The following GABRA5 variants were observed in gnomAD, a reference collection of about 807,000 sequenced individuals.
GABRA5 encodes the protein gamma-aminobutyric acid receptor subunit alpha-5.
A neutral mutation model predicts 47.3 loss-of-function variants in GABRA5; 18 were observed. The ratio of observed to expected loss-of-function variants is 0.38; its 90% CI spans 0.26 to 0.56. The LOEUF is 0.56. GABRA5 is among the 20% of genes least tolerant of loss of function. The pLI is 0.71. For missense variants in GABRA5, 365 were observed against 599.3 expected (o/e 0.61, Z 4.08); for synonymous variants, 237 against 229.3 (o/e 1.03, Z -0.30).
In GABRA5 at chr15:26,880,964, G is replaced by C; in HGVS notation, c.205G>C (p.Gly69Arg). 3 of 1,613,768 alleles carry C rather than the reference G, an allele frequency of 1.9e-6. No individual in the cohort carries two copies. Among genetic ancestry groups the C allele is most frequent in the Non-Finnish European group, 2.5e-6 (3 of 1,179,798 alleles). Residue 69 changes from glycine to arginine, a missense_variant, in exon 4 of 11, where the codon GGA becomes CGA. This residue lies in a region of GABRA5 where 216 missense variants were observed against 335.3 expected (regional missense o/e 0.64). Coordinates refer to ENST00000335625, the MANE Select transcript of GABRA5 (RefSeq NM_000810.4). ...CGACAACAGACTTCGGCCCGGGCTG[G>C]GAGGTGAGTGTGCTCTCCTCAGCTG... is the stretch of plus-strand genomic sequence containing the variant. ...GYDNRLRPGL[G>R]ERITQVRTDI...
chr15:26,915,344 A>G (rs1893695007), intron 7 of GABRA5, among the ~76,000 whole-genome samples: 1 of 152,204 alleles, frequency 6.6e-6, no homozygotes. Context: ...TCATGTTCAT[A>G]GTCAGTGCTC....
At position 26,880,966 on chromosome 15, in the gene GABRA5, A is replaced by G. The variant is rs1277188913; in HGVS notation, c.207A>G (p.Gly69=). 6.2e-7 allele frequency: 1 copy of G among 1,613,562 alleles called. No homozygotes were observed. Among genetic ancestry groups the G allele is most frequent in the Non-Finnish European group, 8.5e-7 (1 of 1,179,786 alleles). Residue 69 remains glycine (G), a splice_region_variant and synonymous_variant, in exon 4 of 11, where the codon GGA becomes GGG. Transcript: ENST00000335625. ...GYDNRLRPGL[G]ERITQVRTDI... is the part of the protein sequence containing the mutation. ...ACAACAGACTTCGGCCCGGGCTGGG[A>G]GGTGAGTGTGCTCTCCTCAGCTGAG... is the stretch of plus-strand genomic sequence containing the variant.
rs140685 is a variant in GABRA5, at chr15:26,943,312, C to T, written c.975C>T (p.Ala325=). Reference sequence around the variant, plus strand: ...CCACCGCCATGGACTGGTTCATAGCCGTGTGCTATGCCTTCGTCTTCTCGG... The same window carrying T: ...CCACCGCCATGGACTGGTTCATAGCTGTGTGCTATGCCTTCGTCTTCTCGG... The part of the protein sequence containing the change: ...AYATAMDWFI[A]VCYAFVFSAL... Residue 325 remains alanine, a synonymous_variant, in exon 10 of 11, where the codon GCC becomes GCT. Coordinates refer to ENST00000335625, the MANE Select transcript of GABRA5 (RefSeq NM_000810.4). 721,839 of 1,584,982 alleles carry T rather than the reference C, an allele frequency of 0.46. 166,093 individuals are homozygous for T. The highest frequency in any genetic ancestry group is 0.58 in the Middle Eastern group (3,491 of 6,044).
chr15:26,868,916 T>A, intron 2 of GABRA5, 123 bp downstream of exon 2: 1 of 235,724 alleles, frequency 4.2e-6, no homozygotes, highest in East Asian at 8.2e-5. Context: ...CAAAACAGAG[T>A]ATTTGAGTGG....
chr15:26,942,223 G>T (rs1336359197), intron 9 of GABRA5, among the ~76,000 whole-genome samples: 1 of 152,216 alleles, frequency 6.6e-6, no homozygotes, highest in African/African-American at 2.4e-5. Flanking sequence ...CCAGAGTGCA[G>T]CTTAGACGAG....
intron 9 of GABRA5, among the ~76,000 whole-genome samples, chr15:26,941,741 T>C (rs1346885942): frequency 6.6e-6 from 1 of 152,096 alleles, no homozygotes; most frequent in Non-Finnish European, 1.5e-5. Context: ...TCCTGGCCTG[T>C]CTCCTGGCCT....
chr15:26,868,596 A>T (rs756285048), intron 1 of GABRA5, 133 bp from the exon 2 acceptor site: 1 of 152,538 alleles, frequency 6.6e-6, no homozygotes, highest in Non-Finnish European at 1.5e-5. Context: ...TGCTTAAGTT[A>T]TGTAGTCACG....
At chr15:26,942,866 A>G (rs1022175364) in intron 9 of GABRA5, among the ~76,000 whole-genome samples, 1 of 152,150 alleles carries the variant, frequency 6.6e-6, no homozygotes, top group Non-Finnish European at 1.5e-5. Flanking sequence ...GGTGGATCGC[A>G]TGAGGCCAGG....
chr15:26,940,836 T>C (rs1894366178), intron 9 of GABRA5, among the ~76,000 whole-genome samples: 3 of 152,216 alleles, frequency 2.0e-5, no homozygotes, highest in African/African-American at 7.2e-5. Context: ...GCAGGCACAG[T>C]TGAGCGTCTG....
At chr15:26,882,088 A>T (rs1892743382) in intron 4 of GABRA5, among the ~76,000 whole-genome samples, 1 of 152,008 alleles carries the variant, frequency 6.6e-6, no homozygotes, top group Non-Finnish European at 1.5e-5. Flanking sequence ...ACAGTCTCTT[A>T]CTCTGCCCTC....
intron 7 of GABRA5, among the ~76,000 whole-genome samples, chr15:26,920,776 T>G (rs962165207): frequency 1.3e-5 from 2 of 152,176 alleles, no homozygotes; most frequent in Non-Finnish European, 2.9e-5. Flanking sequence ...CTCTCCAACC[T>G]TGGTGCTAGT....
At position 26,880,863 on chromosome 15, in the gene GABRA5, C is replaced by A; in HGVS notation, c.104C>A (p.Thr35Asn). Reference sequence around the variant, plus strand: ...TTTAAAAGCTTTTCACAGATGCCAACCAGTTCAGTGAAAGATGAGACCAAT... The same window carrying A: ...TTTAAAAGCTTTTCACAGATGCCAAACAGTTCAGTGAAAGATGAGACCAAT... ...SSHFGFSQMP[T>N]SSVKDETNDN... The change falls in exon 4 of 11, where the codon ACC (threonine) becomes AAC (asparagine). Residue 35 changes from threonine (T) to asparagine (N), a missense_variant. Thr to Asn is a moderately conservative substitution (Grantham distance 65). This residue lies in a region of GABRA5 where 216 missense variants were observed against 335.3 expected (regional missense o/e 0.64). Transcript: ENST00000335625. 1 of 1,613,782 alleles carries A rather than the reference C, an allele frequency of 6.2e-7. No individual in the cohort carries two copies. The highest frequency in any genetic ancestry group is 8.5e-7 in the Non-Finnish European group (1 of 1,179,748).
chr15:26,879,244 C>G (rs1308022351), intron 3 of GABRA5, among the ~76,000 whole-genome samples: 2 of 152,178 alleles, frequency 1.3e-5, no homozygotes, highest in East Asian at 3.9e-4. Flanking sequence ...ATTATGAAGT[C>G]CATGAGAAGT....
chr15:26,930,545 A>G (rs911582574), intron 7 of GABRA5, among the ~76,000 whole-genome samples: 1 of 152,174 alleles, frequency 6.6e-6, no homozygotes, highest in African/African-American at 2.4e-5. Flanking sequence ...CCAGTTTCCA[A>G]TAACATGTTC....
At chr15:26,945,673 G>A (rs980636525) in intron 10 of GABRA5, among the ~76,000 whole-genome samples, 2 of 152,334 alleles carry the variant, frequency 1.3e-5, no homozygotes, top group Admixed American at 1.3e-4. Flanking sequence ...TGCAACTCAG[G>A]CTGCCAGAAG....
intron 6 of GABRA5, among the ~76,000 whole-genome samples, chr15:26,906,445 A>G (rs997739619): frequency 6.6e-6 from 1 of 152,184 alleles, no homozygotes; most frequent in Non-Finnish European, 1.5e-5. Context: ...GGTCAGCCAG[A>G]CATGAAAACT....
intron 6 of GABRA5, among the ~76,000 whole-genome samples, chr15:26,900,494 C>T (rs1359173726): frequency 6.6e-6 from 1 of 152,020 alleles, no homozygotes; most frequent in Non-Finnish European, 1.5e-5. Context: ...TATGGCAAGT[C>T]TTATAGCAAC....
chr15:26,927,234 G>T (rs1893982193), intron 7 of GABRA5, among the ~76,000 whole-genome samples: 1 of 151,200 alleles, frequency 6.6e-6, no homozygotes, highest in African/African-American at 2.4e-5. Flanking sequence ...CTCCCAACTA[G>T]CTGGGATTAC....
intron 6 of GABRA5, among the ~76,000 whole-genome samples, chr15:26,900,824 G>A (rs896918069): frequency 3.4e-4 from 51 of 152,024 alleles, no homozygotes; most frequent in African/African-American, 1.2e-3. Flanking sequence ...GAGTATTTTT[G>A]TTGCTCTAAA....
Sources: allele counts gnomAD v4.1 joint callset (sites outside exome capture counted in the v4.1 genomes callset), GRCh38; gene constraint gnomAD v4.1.1; regional missense constraint gnomAD v4.1.1; transcripts MANE v1.5; gene names NCBI Gene and HGNC (gene_info 2026-07-23, HGNC 2026-07-21).